Variants in PCDHGA3 observed in about 807,000 individuals in gnomAD.
PCDHGA3 encodes the protein protocadherin gamma-A3.
A neutral mutation model predicts 58.5 loss-of-function variants in PCDHGA3; 40 were observed. That is an observed-to-expected ratio of 0.68 (90% confidence interval 0.53 to 0.89). The LOEUF is 0.89. Ranked by LOEUF, PCDHGA3 falls within the 40% of genes least tolerant of loss-of-function variation. The probability of loss-of-function intolerance (pLI) is 0.00; values close to 1 mark genes in which losing one functional copy is unlikely to be tolerated. For synonymous variants in PCDHGA3, 530 were observed against 525.7 expected (o/e 1.01, Z -0.11); for missense variants, 1,223 against 1,195.9 (o/e 1.02, Z -0.33).
chr5:141,480,217 G>A (rs1443825272), intron 1 of PCDHGA3, among the ~76,000 whole-genome samples: 2 of 147,950 alleles, frequency 1.4e-5, no homozygotes, highest in Non-Finnish European at 3.0e-5. Context: ...CAGCCTGAGC[G>A]ACATAGTGAG....
chr5:141,418,248 C>T (rs372067603), intron 1 of PCDHGA3: 7 of 1,613,882 alleles, frequency 4.3e-6, no homozygotes, highest in African/African-American at 1.3e-5. Flanking sequence ...AATGACCACG[C>T]CCCTCAATTC....
intron 1 of PCDHGA3, chr5:141,373,929 A>G: frequency 1.5e-6 from 1 of 673,706 alleles, no homozygotes; most frequent in Non-Finnish European, 2.3e-6. Context: ...TTAGACGGGA[A>G]AGCAGGAAAG....
chr5:141,443,217 G>A (rs1447455858), intron 1 of PCDHGA3, among the ~76,000 whole-genome samples: 8 of 151,656 alleles, frequency 5.3e-5, no homozygotes, highest in African/African-American at 2.4e-5. Flanking sequence ...CTCGCCAGGC[G>A]CATCTATAAT....
rs1330257915 is a variant in PCDHGA3 at position 141,486,153 on chromosome 5, C to T, written c.2425-8654C>T. Reference sequence around the variant, plus strand: ...GATGTGCGGGCTCGCGATGGGGGTTCTCCAGCCATGGAGCAACATTGCAGC... The same window carrying T: ...GATGTGCGGGCTCGCGATGGGGGTTTTCCAGCCATGGAGCAACATTGCAGC... On this transcript the variant is annotated intron_variant, in intron 1 of 3. Transcript: ENST00000253812. This position sits in a 1 kb window ranked among gnomAD's most constrained non-coding sequence, Gnocchi z 5.0. 1 of 1,614,084 alleles carries T rather than the reference C, an allele frequency of 6.2e-7. No homozygotes were observed. Among genetic ancestry groups the T allele is most frequent in the Non-Finnish European group, 8.5e-7 (1 of 1,180,036 alleles).
At position 141,352,311 on chromosome 5, in the gene PCDHGA3, T is replaced by G. The variant is rs1401327005; in HGVS notation, c.2424+5854T>G. The G allele has an allele frequency of 8.1e-6, 13 of 1,613,938 alleles. No homozygotes were observed. Among genetic ancestry groups the G allele is most frequent in the Non-Finnish European group, 1.1e-5 (13 of 1,179,916 alleles). On this transcript the variant is annotated intron_variant, in intron 1 of 3. Transcript: ENST00000253812. ...GAGCCCTCTGACCCCCAGACGGAAC[T>G]GCAGTTTTACCTGGTTGTGGCCTTG...
At chr5:141,492,256 A>G (rs1323720621) in intron 1 of PCDHGA3, among the ~76,000 whole-genome samples, 1 of 151,974 alleles carries the variant, frequency 6.6e-6, no homozygotes, top group Non-Finnish European at 1.5e-5. Context: ...CGGCCCACAC[A>G]AGTTGCACGG....
In PCDHGA3 at chr5:141,477,176, G is replaced by C. The variant is rs766547728; in HGVS notation, c.2425-17631G>C. On this transcript the variant is annotated intron_variant, in intron 1 of 3. Coordinates refer to ENST00000253812, the MANE Select transcript of PCDHGA3 (RefSeq NM_018916.4). This position sits in a 1 kb window ranked among gnomAD's most constrained non-coding sequence, Gnocchi z 4.9. ...GAATGACAACGCCCCGGAGATCACAGTCACCTCCGTGTACAGCCCAGTACC... is the reference window on the plus strand; with the variant it reads ...GAATGACAACGCCCCGGAGATCACACTCACCTCCGTGTACAGCCCAGTACC... The C allele has an allele frequency of 1.2e-6, 2 of 1,614,206 alleles. No individual in the cohort carries two copies. The highest frequency in any genetic ancestry group is 3.3e-5 in the Admixed American group (2 of 60,024).
rs775122106 is a variant in PCDHGA3 at position 141,410,519 on chromosome 5, C to CT, written c.2424+64063dup. On this transcript the variant is annotated intron_variant, in intron 1 of 3. Coordinates refer to ENST00000253812, the MANE Select transcript of PCDHGA3 (RefSeq NM_018916.4). ...TAATTTCCTAAAATGCAGTGTGCCCCTACATTCCAATGAAGACATGGTTTG... is the reference window on the plus strand; with the variant it reads ...TAATTTCCTAAAATGCAGTGTGCCCCTTACATTCCAATGAAGACATGGTTTG... 5.9e-5 allele frequency: 95 copies of CT among 1,613,978 alleles called. 1 individual carries two copies. In the South Asian group the frequency reaches 1.0e-3, roughly 17 times the overall value.
intron 1 of PCDHGA3, among the ~76,000 whole-genome samples, chr5:141,472,725 C>T (rs1250092748): frequency 6.6e-6 from 1 of 152,022 alleles, no homozygotes; most frequent in Non-Finnish European, 1.5e-5. Flanking sequence ...GTGGCTCACA[C>T]CTGTAATCCC....
rs1285541225 is a variant in PCDHGA3 at position 141,344,628 on chromosome 5, G to A, written c.595G>A (p.Ala199Thr). 1 of 1,613,846 alleles carries A rather than the reference G, an allele frequency of 6.2e-7. No individual in the cohort carries two copies. The highest frequency in any genetic ancestry group is 1.3e-5 in the African/African-American group (1 of 74,912). ...GTATCCAGAGCTGGTGCTGGAGCGG[G>A]CCCTGGACCGTGAGAAAAAAGAAAT... The part of the protein sequence containing the change: ...AKYPELVLER[A>T]LDREKKEIHQ... Residue 199 changes from alanine to threonine, a missense_variant, in exon 1 of 4, where the codon GCC becomes ACC. Physicochemically the swap from Ala to Thr is moderately conservative, Grantham distance 58. Transcript: ENST00000253812.
intron 1 of PCDHGA3, among the ~76,000 whole-genome samples, chr5:141,456,859 A>C (rs2098893194): frequency 6.6e-6 from 1 of 152,152 alleles, no homozygotes; most frequent in Admixed American, 6.6e-5. Context: ...GCTAATTGGG[A>C]GGCTGAGGCA....
chr5:141,372,305 C>G, intron 1 of PCDHGA3: 2 of 1,613,260 alleles, frequency 1.2e-6, no homozygotes, highest in South Asian at 1.1e-5. Context: ...ACAGGGAGGC[C>G]GCCCGCCAGC....
Position 141,476,064 on chromosome 5 carries a change from C to T in PCDHGA3, c.2425-18743C>T, listed in dbSNP as rs1593605493. On this transcript the variant is annotated intron_variant, in intron 1 of 3. Transcript: ENST00000253812. The surrounding 1 kb of genome is among the most constrained non-coding windows in gnomAD (Gnocchi z 7.6). Reference sequence around the variant, plus strand: ...CGCTAACCCGCTGAAAGTTTCTCAGCGAAATCTCAGGGACGATCTGGACCC... The same window carrying T: ...CGCTAACCCGCTGAAAGTTTCTCAGTGAAATCTCAGGGACGATCTGGACCC... 2.0e-6 allele frequency: 3 copies of T among 1,510,080 alleles called. No homozygotes were observed. In the East Asian group the frequency reaches 6.8e-5, roughly 34 times the overall value. 93.5% of individuals were successfully genotyped at this position (1,510,080 alleles called of 1,614,324 possible). A position where few individuals can be genotyped will look rare whatever the true frequency, so the allele number is the denominator to read the frequency against.
At chr5:141,367,958 C>A (rs1349298389) in intron 1 of PCDHGA3, among the ~76,000 whole-genome samples, 1 of 152,088 alleles carries the variant, frequency 6.6e-6, no homozygotes, top group African/African-American at 2.4e-5. Flanking sequence ...AATTTCATAT[C>A]TAACGTATGT....
rs762530904 is a variant in PCDHGA3, at chr5:141,422,966, C to T, written c.2425-71841C>T. The T allele has an allele frequency of 2.5e-6, 4 of 1,614,112 alleles. No individual in the cohort carries two copies. The East Asian group carries it at 8.9e-5, about 36-fold the overall frequency. ...GGCTCCACTGGCGTGGAGCTGGCGC[C>T]CCGCTCTGCGGAACCTGGCTACCTG... On this transcript the variant is annotated intron_variant, in intron 1 of 3. Coordinates refer to ENST00000253812, the MANE Select transcript of PCDHGA3 (RefSeq NM_018916.4).
At chr5:141,505,302 G>A (rs1733345360) in intron 2 of PCDHGA3, 91 bp from the exon 3 acceptor site, 1 of 1,592,596 alleles carries the variant, frequency 6.3e-7, no homozygotes, top group Admixed American at 1.7e-5. Flanking sequence ...TAGGGTTAGG[G>A]TACTAGGTTT....
At chr5:141,465,792 T>A (rs1262092940) in intron 1 of PCDHGA3, among the ~76,000 whole-genome samples, 2 of 152,018 alleles carry the variant, frequency 1.3e-5, no homozygotes, top group Non-Finnish European at 2.9e-5. Flanking sequence ...TTTTTTTTTT[T>A]AAGAAACCCT....
intron 1 of PCDHGA3, chr5:141,478,874 A>G: frequency 1.6e-6 from 2 of 1,276,696 alleles, no homozygotes; most frequent in Non-Finnish European, 2.1e-6. Flanking sequence ...ATCAGAGTTT[A>G]GCTTGGTATC....
At chr5:141,408,797 C>T (rs965305130) in intron 1 of PCDHGA3, 1 of 1,612,958 alleles carries the variant, frequency 6.2e-7, no homozygotes, top group African/African-American at 1.3e-5. Flanking sequence ...TCTGGAGAAA[C>T]TCCTAGACCG....
Sources: gnomAD v4.1 joint callset for allele counts (sites outside exome capture counted in the v4.1 genomes callset) on GRCh38, gnomAD v4.1.1 for gene constraint, Gnocchi (gnomAD v3.1) non-coding constraint, MANE v1.5 for transcripts, NCBI Gene and HGNC (gene_info 2026-07-23, HGNC 2026-07-21) for gene names.